The following NPM1 variants were observed in gnomAD, a reference collection of about 807,000 sequenced individuals.
The protein encoded by NPM1 is nucleophosmin.
A neutral mutation model predicts 44.1 loss-of-function variants in NPM1; 1 was observed. The observed-to-expected ratio is 0.02, with a 90% CI of 0.01 to 0.11. NPM1 has a LOEUF of 0.11. NPM1 is among the 10% of genes least tolerant of loss of function. The pLI is 1.00. For missense variants in NPM1, 197 were observed against 347.8 expected (o/e 0.57, Z 3.45); for synonymous variants, 126 against 111.8 (o/e 1.13, Z -0.80).
intron 10 of NPM1, among the ~76,000 whole-genome samples, chr5:171,408,592 TAGCTTTGTGAA>T (rs1381592326): frequency 6.6e-6 from 1 of 152,254 alleles, no homozygotes; most frequent in Non-Finnish European, 1.5e-5. Flanking sequence ...ATTTTGAGTT[TAGCTTTGTGAA>T]AGTTGTAGTG....
In NPM1 at chr5:171,391,324, C is replaced by T. The variant is rs774730997; in HGVS notation, c.158C>T (p.Ala53Val). Residue 53 changes from alanine (A) to valine (V), a missense_variant, in exon 3 of 11, where the codon GCA becomes GTA. This residue lies in a region of NPM1 where 43 missense variants were observed against 109.6 expected (regional missense o/e 0.39). Coordinates refer to ENST00000296930, the MANE Select transcript of NPM1 (RefSeq NM_002520.7). ...TCACAGGTCAGTTTAGGGGCTGGTG[C>T]AAAGGATGAGTTGCACATTGTTGAA... ...SLRTVSLGAG[A>V]KDELHIVEAE... 12 of 1,613,294 alleles carry T rather than the reference C, an allele frequency of 7.4e-6. No individual in the cohort carries two copies. The highest frequency in any genetic ancestry group is 1.1e-5 in the South Asian group (1 of 91,030).
rs771343031 is a variant in NPM1, at chr5:171,390,042, C to T, written c.59-9C>T. On this transcript the variant is annotated splice_polypyrimidine_tract_variant and intron_variant, in intron 1 of 10. Coordinates refer to ENST00000296930, the MANE Select transcript of NPM1 (RefSeq NM_002520.7). ...TCCTTGTTAGAGTTGCTTTTTTCTT[C>T]ATTTACAGGTTGTGAACTAAAGGCC... 4.8e-6 allele frequency: 7 copies of T among 1,454,818 alleles called. No individual in the cohort carries two copies. The highest frequency in any genetic ancestry group is 1.3e-5 in the South Asian group (1 of 79,294). 90.1% of individuals were successfully genotyped at this position (1,454,818 alleles called of 1,614,324 possible). A position where few individuals can be genotyped will look rare whatever the true frequency, so the allele number is the denominator to read the frequency against.
At chr5:171,401,221 G>A (rs1404502564) in intron 8 of NPM1, among the ~76,000 whole-genome samples, 4 of 151,956 alleles carry the variant, frequency 2.6e-5, no homozygotes, top group African/African-American at 9.7e-5. Context: ...AGCCAGGCAT[G>A]GTGGTATGTG....
At chr5:171,388,225 A>C (rs1239632151) in intron 1 of NPM1, among the ~76,000 whole-genome samples, 1 of 152,184 alleles carries the variant, frequency 6.6e-6, no homozygotes, top group African/African-American at 2.4e-5. Context: ...GAGCGGCCTG[A>C]AGCGTCTGGG....
At chr5:171,389,909 A>AT in intron 1 of NPM1, 142 bp from the exon 2 acceptor site, 2 of 617,674 alleles carry the variant, frequency 3.2e-6, no homozygotes, top group Non-Finnish European at 2.8e-6. Flanking sequence ...AAATCTAGGA[A>AT]TTGATCATTC....
intron 8 of NPM1, among the ~76,000 whole-genome samples, chr5:171,402,801 G>C (rs1326664241): frequency 7.0e-6 from 1 of 142,234 alleles, no homozygotes; most frequent in Non-Finnish European, 1.5e-5. Flanking sequence ...TCTCTCTTCT[G>C]CTGCCATGTA....
chr5:171,400,122 A>C (rs756969483), intron 6 of NPM1, 31 bp from the exon 7 acceptor site: 1 of 1,327,790 alleles, frequency 7.5e-7, no homozygotes, highest in African/African-American at 1.4e-5. Flanking sequence ...AAATTTTGAA[A>C]GTGCTTAATG....
chr5:171,395,145 G>T (rs1034987050), intron 6 of NPM1, among the ~76,000 whole-genome samples: 1 of 152,118 alleles, frequency 6.6e-6, no homozygotes, highest in African/African-American at 2.4e-5. Flanking sequence ...GCGCCACCGT[G>T]TTCCATCCTG....
chr5:171,390,696 T>C (rs566002428), intron 2 of NPM1, among the ~76,000 whole-genome samples: 72 of 151,352 alleles, frequency 4.8e-4, no homozygotes, highest in Non-Finnish European at 7.4e-4. Context: ...CCCATAAGAT[T>C]ATTATACCTT....
intron 1 of NPM1, among the ~76,000 whole-genome samples, chr5:171,388,896 A>G (rs910721026): frequency 3.9e-5 from 6 of 152,206 alleles, no homozygotes; most frequent in African/African-American, 1.4e-4. Context: ...TAAGAGACTA[A>G]ATCTAAACCA....
chr5:171,394,289 C>T (rs1373512493), intron 6 of NPM1, among the ~76,000 whole-genome samples: 8 of 152,020 alleles, frequency 5.3e-5, no homozygotes, highest in African/African-American at 1.2e-4. Flanking sequence ...CTACCTGCCT[C>T]GGTCTCCCAA....
rs144186175 is a variant in NPM1 at position 171,394,041 on chromosome 5, CTT to C, written c.524+1083_524+1084del. Among the ~76,000 whole-genome samples, 6 of 97,066 alleles carry C rather than the reference CTT, an allele frequency of 6.2e-5. No individual in the cohort carries two copies. The South Asian group carries it at 1.2e-3, about 19-fold the overall frequency. 63.7% of individuals were successfully genotyped at this position (97,066 alleles called of 152,430 possible). A position where few individuals can be genotyped will look rare whatever the true frequency, so the allele number is the denominator to read the frequency against. On this transcript the variant is annotated intron_variant, in intron 6 of 10. Coordinates refer to ENST00000296930, the MANE Select transcript of NPM1 (RefSeq NM_002520.7). Reference sequence around the variant, plus strand: ...ATTTGACTGTTGCTGTTTTTGTTTTCTTTTTTTTTTTTTTTTTTTTTGAGATG... The same window carrying C: ...ATTTGACTGTTGCTGTTTTTGTTTTCTTTTTTTTTTTTTTTTTTTGAGATG...
intron 6 of NPM1, among the ~76,000 whole-genome samples, chr5:171,395,855 T>G (rs970384061): frequency 6.6e-6 from 1 of 152,178 alleles, no homozygotes; most frequent in Non-Finnish European, 1.5e-5. Context: ...GGCTATGTAA[T>G]GTGCATAGTG....
At position 171,388,019 on chromosome 5, in the gene NPM1, G is replaced by T; in HGVS notation, c.58+13G>T. 3.1e-6 allele frequency: 5 copies of T among 1,611,734 alleles called. No individual in the cohort carries two copies. Among genetic ancestry groups the T allele is most frequent in the Non-Finnish European group, 4.2e-6 (5 of 1,178,874 alleles). On this transcript the variant is annotated intron_variant, in intron 1 of 10. Transcript: ENST00000296930. ...AACTATCTTTTCGGTAACTGCTGGG[G>T]GGAGCTGGAGCGAGGCCGAGCGGGG... is the stretch of plus-strand genomic sequence containing the variant.
At chr5:171,408,810 T>TA (rs1483489072) in intron 10 of NPM1, among the ~76,000 whole-genome samples, 5 of 152,188 alleles carry the variant, frequency 3.3e-5, no homozygotes, top group African/African-American at 9.6e-5. Flanking sequence ...CAGACATAAA[T>TA]AACCAGCATG....
chr5:171,408,641 CTT>C (rs1771682115), intron 10 of NPM1, among the ~76,000 whole-genome samples: 1 of 152,092 alleles, frequency 6.6e-6, no homozygotes, highest in Non-Finnish European at 1.5e-5. Context: ...CAGGTTCAGT[CTT>C]TGGTTGCTGT....
chr5:171,405,675 T>TA (rs1204323710), intron 9 of NPM1: 7 of 391,892 alleles, frequency 1.8e-5, no homozygotes, highest in Non-Finnish European at 2.8e-5. Flanking sequence ...CCTTCCATGT[T>TA]AAAATAGATC....
intron 6 of NPM1, among the ~76,000 whole-genome samples, chr5:171,397,075 T>C (rs1770940303): frequency 6.6e-6 from 1 of 152,190 alleles, no homozygotes; most frequent in South Asian, 2.1e-4. Context: ...TCGTACTCTA[T>C]AGGTATTACC....
chr5:171,403,808 G>A (rs1241694264), intron 8 of NPM1, among the ~76,000 whole-genome samples: 5 of 102,522 alleles, frequency 4.9e-5, no homozygotes, highest in South Asian at 4.0e-4. Flanking sequence ...CAGTAGGGGC[G>A]GCCGGGCAGA....
Sources: gnomAD v4.1 joint callset for allele counts (sites outside exome capture counted in the v4.1 genomes callset) on GRCh38, gnomAD v4.1.1 for gene constraint, gnomAD v4.1.1 regional missense constraint, MANE v1.5 for transcripts, NCBI Gene and HGNC (gene_info 2026-07-23, HGNC 2026-07-21) for gene names.